Variants in AGBL1 observed in about 807,000 individuals in gnomAD.
AGBL1 encodes AGBL carboxypeptidase 1.
In AGBL1, 130 loss-of-function variants were observed where a neutral mutation model predicts 118.9. The observed-to-expected ratio is 1.09, with a 90% CI of 0.95 to 1.26. AGBL1 has a LOEUF of 1.26. Among genes scored for constraint, AGBL1 ranks in the 50% most tolerant of loss-of-function variants. AGBL1 has a pLI of 0.00. For missense variants in AGBL1, 1,584 were observed against 1,298.1 expected (o/e 1.22, Z -3.38); for synonymous variants, 555 against 478.9 (o/e 1.16, Z -2.08).
chr15:86,285,998 T>G (rs2079438459), intron 16 of AGBL1, among the ~76,000 whole-genome samples: 1 of 152,136 alleles, frequency 6.6e-6, no homozygotes, highest in South Asian at 2.1e-4. Flanking sequence ...ATTTTATTTT[T>G]TTTTAAAGTT....
Position 86,493,015 on chromosome 15 carries a change from G to A in AGBL1, c.2556-29795G>A, listed in dbSNP as rs112836839. Among the ~76,000 whole-genome samples the A allele has an allele frequency of 1.6e-3, 243 of 152,228 alleles. 3 individuals are homozygous for A. The highest frequency in any genetic ancestry group is 5.5e-3 in the African/African-American group (227 of 41,574). On this transcript the variant is annotated intron_variant, in intron 18 of 22. Coordinates refer to ENST00000614907, the MANE Select transcript of AGBL1 (RefSeq NM_001386094.1). ...CATCCTGGCCGAAGGCCAACATGGC[G>A]AAACCTCACCTCTACTAAAAATACA... is the stretch of plus-strand genomic sequence containing the variant.
chr15:86,759,648 T>C (rs779534836), intron 22 of AGBL1, among the ~76,000 whole-genome samples: 6 of 152,096 alleles, frequency 3.9e-5, no homozygotes, highest in African/African-American at 1.4e-4. Context: ...AAGTCATGAT[T>C]TGAGATGACA....
chr15:86,286,735 G>GTGTGTATATATATA, intron 16 of AGBL1, among the ~76,000 whole-genome samples: 3 of 106,250 alleles, frequency 2.8e-5, no homozygotes, highest in African/African-American at 7.8e-5. Context: ...GTTTGTGTGT[G>GTGTGTATATATATA]TATATATATA....
At chr15:86,127,792 C>G (rs1049108674) in intron 1 of AGBL1, among the ~76,000 whole-genome samples, 5 of 152,130 alleles carry the variant, frequency 3.3e-5, no homozygotes, top group African/African-American at 9.7e-5. Flanking sequence ...ACATAAAACC[C>G]TCCTGTGAGA....
chr15:86,264,585 G>A lies in AGBL1; in HGVS notation c.1414G>A (p.Ala472Thr). Reference sequence around the variant, plus strand: ...GAAAGCAGATGCCTGGGACGTAGATGCAATTTTCTGCCCAAGGATGAGTGC... The same window carrying A: ...GAAAGCAGATGCCTGGGACGTAGATACAATTTTCTGCCCAAGGATGAGTGC... Reference protein sequence around the residue: ...SPKADAWDVDAIFCPRMSASF... With the variant: ...SPKADAWDVDTIFCPRMSASF... The change falls in exon 11 of 23, where the codon GCA becomes ACA. Residue 472 changes from alanine to threonine, a missense_variant. Coordinates refer to ENST00000614907, the MANE Select transcript of AGBL1 (RefSeq NM_001386094.1). 6.2e-7 allele frequency: 1 copy of A among 1,613,952 alleles called. No homozygotes were observed.
chr15:86,322,607 TATTG>T (rs907599400), intron 17 of AGBL1, among the ~76,000 whole-genome samples: 2 of 152,176 alleles, frequency 1.3e-5, no homozygotes, highest in African/African-American at 4.8e-5. Context: ...GCTTTATGAA[TATTG>T]ATTGTAAGGT....
intron 21 of AGBL1, among the ~76,000 whole-genome samples, chr15:86,637,566 C>A (rs1429930990): frequency 6.6e-6 from 1 of 151,990 alleles, no homozygotes. Context: ...TTTGGAGCTA[C>A]AAAAATATTA....
At chr15:86,742,093 T>G (rs539471761) in intron 22 of AGBL1, among the ~76,000 whole-genome samples, 34 of 152,128 alleles carry the variant, frequency 2.2e-4, no homozygotes, top group African/African-American at 6.0e-4. Flanking sequence ...GCAGTGACTC[T>G]GAACCAGCAG....
At chr15:86,879,771 A>G (rs1328401928) in intron 22 of AGBL1, among the ~76,000 whole-genome samples, 1 of 152,084 alleles carries the variant, frequency 6.6e-6, no homozygotes, top group Non-Finnish European at 1.5e-5. Flanking sequence ...GCTCCGCTGC[A>G]TGTTTGTGGG....
intron 21 of AGBL1, among the ~76,000 whole-genome samples, chr15:86,611,609 GA>G (rs748676452): frequency 6.6e-6 from 1 of 152,104 alleles, no homozygotes; most frequent in Non-Finnish European, 1.5e-5. Flanking sequence ...TTTACAACAG[GA>G]TGTGGAAATC....
intron 1 of AGBL1, among the ~76,000 whole-genome samples, chr15:86,125,377 C>T (rs1198420839): frequency 6.6e-6 from 1 of 152,144 alleles, no homozygotes; most frequent in Non-Finnish European, 1.5e-5. Flanking sequence ...CTTCCGTTAA[C>T]CATTCTCATT....
chr15:86,477,930 A>C (rs890806446), intron 18 of AGBL1, among the ~76,000 whole-genome samples: 1 of 152,198 alleles, frequency 6.6e-6, no homozygotes, highest in Non-Finnish European at 1.5e-5. Context: ...GATTCAACAT[A>C]CGCAAATCAA....
At chr15:86,269,794 C>A in intron 13 of AGBL1, 125 bp from the exon 14 acceptor site, 1 of 1,114,332 alleles carries the variant, frequency 9.0e-7, no homozygotes. Context: ...GTATAACTTA[C>A]CAGCTGGCTG....
At chr15:86,648,155 A>T (rs1002654373) in intron 21 of AGBL1, among the ~76,000 whole-genome samples, 1 of 152,152 alleles carries the variant, frequency 6.6e-6, no homozygotes, top group African/African-American at 2.4e-5. Flanking sequence ...TTACATTTTG[A>T]AGGTCTCACT....
intron 21 of AGBL1, among the ~76,000 whole-genome samples, chr15:86,642,634 T>A (rs1275168604): frequency 6.6e-6 from 1 of 152,104 alleles, no homozygotes; most frequent in Non-Finnish European, 1.5e-5. Flanking sequence ...TAATATTTAA[T>A]GTTACTGAAA....
At chr15:86,418,983 TGTA>T (rs1463057948) in intron 18 of AGBL1, among the ~76,000 whole-genome samples, 3 of 152,198 alleles carry the variant, frequency 2.0e-5, no homozygotes, top group Non-Finnish European at 4.4e-5. Context: ...CTTAATGCTC[TGTA>T]GTACTAACCA....
chr15:86,762,255 C>T (rs1173540788), intron 22 of AGBL1, among the ~76,000 whole-genome samples: 1 of 151,904 alleles, frequency 6.6e-6, no homozygotes, highest in African/African-American at 2.4e-5. Flanking sequence ...GGGAAAAGAG[C>T]TAATTCATGC....
chr15:86,410,829 T>G (rs866503487), intron 18 of AGBL1, among the ~76,000 whole-genome samples: 1 of 84,164 alleles, frequency 1.2e-5, no homozygotes, highest in African/African-American at 5.2e-5. Flanking sequence ...TATATATATA[T>G]ATATATATAT....
intron 22 of AGBL1, among the ~76,000 whole-genome samples, chr15:86,778,757 A>T (rs1314511166): frequency 6.6e-6 from 1 of 152,182 alleles, no homozygotes. Context: ...CAATCATCAC[A>T]TGGTCCTGAG....
Sources: gnomAD v4.1 joint callset for allele counts (sites outside exome capture counted in the v4.1 genomes callset) on GRCh38, gnomAD v4.1.1 for gene constraint, MANE v1.5 for transcripts, NCBI Gene and HGNC (gene_info 2026-07-23, HGNC 2026-07-21) for gene names.